Variants in ELAPOR2 observed in about 807,000 individuals in gnomAD.
ELAPOR2 encodes the protein endosome-lysosome associated apoptosis and autophagy regulator family member 2.
A neutral mutation model predicts 120.7 loss-of-function variants in ELAPOR2; 89 were observed. That is an observed-to-expected ratio of 0.74 (90% CI 0.62 to 0.88). ELAPOR2 has a LOEUF of 0.88. Ranked by LOEUF, ELAPOR2 falls within the 40% of genes least tolerant of loss-of-function variation. ELAPOR2 has a pLI of 0.00. For synonymous variants in ELAPOR2, 444 were observed against 444.9 expected (o/e 1.00, Z 0.03); for missense variants, 1,134 against 1,251.6 (o/e 0.91, Z 1.42).
At chr7:86,991,099 A>G (rs531708962) in intron 1 of ELAPOR2, among the ~76,000 whole-genome samples, 1 of 152,342 alleles carries the variant, frequency 6.6e-6, no homozygotes, top group African/African-American at 2.4e-5. Flanking sequence ...TTATAAATGT[A>G]TATTTATATC....
rs147344228 is a variant in ELAPOR2, at chr7:87,032,648, A to G, written c.189+26677T>C. Among the ~76,000 whole-genome samples the G allele has an allele frequency of 4.5e-3, 689 of 152,338 alleles. 4 individuals are homozygous for G. Among genetic ancestry groups the G allele is most frequent in the Non-Finnish European group, 7.0e-3 (476 of 68,016 alleles). On this transcript the variant is annotated intron_variant, in intron 1 of 21. Coordinates refer to ENST00000450689, the MANE Select transcript of ELAPOR2 (RefSeq NM_001142749.3). ...CAGAGGCAGAAAATGCCCTAGGTCC[A>G]GTACCTATCATGTGCTTCTTCACAT...
At chr7:87,033,211 T>C (rs974343857) in intron 1 of ELAPOR2, among the ~76,000 whole-genome samples, 12 of 152,220 alleles carry the variant, frequency 7.9e-5, no homozygotes, top group African/African-American at 2.9e-4. Flanking sequence ...TGTCATCTTT[T>C]GTAAGTTATT....
chr7:86,921,041 T>C (rs914514682), intron 10 of ELAPOR2, among the ~76,000 whole-genome samples: 1 of 152,112 alleles, frequency 6.6e-6, no homozygotes, highest in Non-Finnish European at 1.5e-5. Context: ...TCAGTGCTTC[T>C]TTTGTTGAAA....
rs1334422696 is a variant in ELAPOR2, at chr7:86,879,357, G to C, written c.*1114C>G. On this transcript the variant is annotated 3_prime_UTR_variant, in exon 22 of 22. Transcript: ENST00000450689. ...TAAGAACAATAATTCTTTCATAACT[G>C]CTTATGAAATAACCACATTCTTATT... is the stretch of plus-strand genomic sequence containing the variant. 6.6e-6 allele frequency: 1 copy of C among 152,000 alleles called. No individual in the cohort carries two copies. The highest frequency in any genetic ancestry group is 1.5e-5 in the Non-Finnish European group (1 of 68,008). 9.4% of individuals were successfully genotyped at this position (152,000 alleles called of 1,614,324 possible).
At chr7:86,945,403 A>T (rs1405791755) in intron 3 of ELAPOR2, among the ~76,000 whole-genome samples, 1 of 152,194 alleles carries the variant, frequency 6.6e-6, no homozygotes, top group Non-Finnish European at 1.5e-5. Context: ...AAATCTATGG[A>T]AGGGGAGAAA....
At chr7:86,981,738 G>T (rs984463202) in intron 1 of ELAPOR2, among the ~76,000 whole-genome samples, 2 of 152,210 alleles carry the variant, frequency 1.3e-5, no homozygotes, top group Non-Finnish European at 2.9e-5. Flanking sequence ...CTCCCAGCGT[G>T]ATTGACGCAG....
chr7:86,991,397 T>C (rs1792940268), intron 1 of ELAPOR2, among the ~76,000 whole-genome samples: 1 of 152,210 alleles, frequency 6.6e-6, no homozygotes, highest in Non-Finnish European at 1.5e-5. Flanking sequence ...AGGTCTCATC[T>C]AGTATACAAC....
chr7:87,011,249 C>CAAAAAAA (rs772971682), intron 1 of ELAPOR2, among the ~76,000 whole-genome samples: 1 of 52,980 alleles, frequency 1.9e-5, no homozygotes, highest in Non-Finnish European at 4.4e-5. Flanking sequence ...GACTCCATCT[C>CAAAAAAA]AAAAAAAAAA....
chr7:86,932,770 G>A (rs868200607), intron 8 of ELAPOR2, among the ~76,000 whole-genome samples: 13 of 151,862 alleles, frequency 8.6e-5, no homozygotes, highest in African/African-American at 2.9e-4. Context: ...TATTTGGTGA[G>A]TTAGGTCTTT....
At chr7:87,023,647 A>T (rs1051843241) in intron 1 of ELAPOR2, among the ~76,000 whole-genome samples, 18 of 152,258 alleles carry the variant, frequency 1.2e-4, no homozygotes, top group African/African-American at 4.3e-4. Context: ...TCTATAAATT[A>T]CCTTGGGCAG....
rs1427152601 is a variant in ELAPOR2, at chr7:86,914,756, T to C, written c.1698A>G (p.Thr566=). ...CCTGATTAGTTCTCTGGAATGCCCA[T>C]GTAAATGTAAAAGTTGCATTCTTGA... is the stretch of plus-strand genomic sequence containing the variant. ...IIFKNATFTF[T]WAFQRTNQGQ... Residue 566 remains threonine (T), a synonymous_variant, in exon 13 of 22, where the codon ACA becomes ACG. Transcript: ENST00000450689. 7 of 1,612,026 alleles carry C rather than the reference T, an allele frequency of 4.3e-6. No individual in the cohort carries two copies. The highest frequency in any genetic ancestry group is 1.7e-5 in the Admixed American group (1 of 59,764).
At chr7:86,946,190 CGT>C (rs1791000430) in intron 3 of ELAPOR2, among the ~76,000 whole-genome samples, 1 of 151,570 alleles carries the variant, frequency 6.6e-6, no homozygotes, top group Non-Finnish European at 1.5e-5. Context: ...CACACACACA[CGT>C]GTGCATACAC....
At chr7:86,987,113 T>C (rs990309885) in intron 1 of ELAPOR2, among the ~76,000 whole-genome samples, 5 of 152,122 alleles carry the variant, frequency 3.3e-5, no homozygotes, top group African/African-American at 1.2e-4. Context: ...TCCTATTTAA[T>C]AAATGGTGCT....
At position 86,894,280 on chromosome 7, in the gene ELAPOR2, T is replaced by C. The variant is rs116375984; in HGVS notation, c.2686-1180A>G. On this transcript the variant is annotated intron_variant, in intron 19 of 21. Transcript: ENST00000450689. ...AACTTAGTGCAAATCAATTTCTTTT[T>C]AAGTGGGTCACATTATTTTTTATAA... Among the ~76,000 whole-genome samples the C allele has an allele frequency of 3.9e-3, 586 of 152,194 alleles. 4 individuals carry two copies. Among genetic ancestry groups the C allele is most frequent in the African/African-American group, 0.013 (559 of 41,550 alleles).
intron 12 of ELAPOR2, among the ~76,000 whole-genome samples, chr7:86,917,634 A>G (rs1789626272): frequency 6.6e-6 from 1 of 152,152 alleles, no homozygotes; most frequent in African/African-American, 2.4e-5. Flanking sequence ...GGCTGTGTTG[A>G]AGATTATTCA....
chr7:87,011,264 A>AAAAAAAAAG (rs1554404742), intron 1 of ELAPOR2, among the ~76,000 whole-genome samples: 9 of 133,792 alleles, frequency 6.7e-5, no homozygotes, highest in African/African-American at 2.1e-4. Context: ...AAAAAAAAAA[A>AAAAAAAAAG]AAAAGAAAAG....
At chr7:87,011,818 T>C (rs760779257) in intron 1 of ELAPOR2, among the ~76,000 whole-genome samples, 2 of 152,234 alleles carry the variant, frequency 1.3e-5, no homozygotes, top group African/African-American at 4.8e-5. Flanking sequence ...AGGGTCTATA[T>C]GTTTTAAATA....
At chr7:87,008,571 C>T (rs9886145) in intron 1 of ELAPOR2, among the ~76,000 whole-genome samples, 57,550 of 152,064 alleles carry the variant, frequency 0.38, 11,732 homozygotes, top group African/African-American at 0.53. Flanking sequence ...TTTTTATTTA[C>T]TTATTTAGAG....
chr7:87,022,780 G>A (rs1794100185), intron 1 of ELAPOR2, among the ~76,000 whole-genome samples: 1 of 151,034 alleles, frequency 6.6e-6, no homozygotes, highest in African/African-American at 2.5e-5. Context: ...TCTAACTGGT[G>A]TGAGATGGTA....
Sources: gnomAD v4.1 joint callset for allele counts (sites outside exome capture counted in the v4.1 genomes callset) on GRCh38, gnomAD v4.1.1 for gene constraint, MANE v1.5 for transcripts, NCBI Gene and HGNC (gene_info 2026-07-23, HGNC 2026-07-21) for gene names.